Variants in KRT2 observed in about 807,000 individuals in gnomAD.
KRT2 encodes the protein keratin 2.
Under a neutral mutation model 48.5 loss-of-function variants are expected in KRT2, and 37 were observed. That is an observed-to-expected ratio of 0.76 (90% CI 0.59 to 1.00). The LOEUF is 1.00. Ranked by LOEUF, KRT2 falls within the 50% of genes least tolerant of loss-of-function variation. KRT2 has a pLI of 0.00. For synonymous variants in KRT2, 324 were observed against 312.2 expected, an observed-to-expected ratio of 1.04 and a Z score of -0.40; for missense variants, 880 against 815.2, an observed-to-expected ratio of 1.08 and a Z score of -0.97.
chr12:52,646,555 T>A (rs1941164020), intron 7 of KRT2, among the ~76,000 whole-genome samples, 185 bp downstream of exon 7: 1 of 152,256 alleles, frequency 6.6e-6, no homozygotes. Context: ...TGTTGATAAA[T>A]GTGTAACTCT....
At chr12:52,647,658 C>T (rs914105560) in intron 6 of KRT2, 72 bp downstream of exon 6, 5 of 1,576,418 alleles carry the variant, frequency 3.2e-6, no homozygotes, top group African/African-American at 2.7e-5. Context: ...CATGCACACT[C>T]ACACACAACC....
chr12:52,646,909 C>A lies in KRT2; in HGVS notation c.1300G>T (p.Ala434Ser). 6.2e-7 allele frequency: 1 copy of A among 1,614,202 alleles called. No homozygotes were observed. The highest frequency in any genetic ancestry group is 1.1e-5 in the South Asian group (1 of 91,092). ...IADAEQRGEH[A>S]LKDARNKLND... ...AACTTGTTCCTGGCATCCTTGAGGG[C>A]ATGCTCCCCACGCTGCTCGGCATCT... is the stretch of plus-strand genomic sequence containing the variant. Residue 434 changes from alanine (A) to serine (S), a missense_variant, in exon 7 of 9, where the codon GCC becomes TCC. By Grantham distance (99) the Ala-to-Ser change is moderately conservative. Transcript: ENST00000309680.
intron 7 of KRT2, 26 bp downstream of exon 7, chr12:52,646,714 C>G (rs1361133391): frequency 7.4e-6 from 12 of 1,611,418 alleles, no homozygotes; most frequent in Non-Finnish European, 1.0e-5. Context: ...GGCCAGGGTC[C>G]CCTTCTCCCT....
Position 52,646,859 on chromosome 12 carries a change from C to A in KRT2, c.1350G>T (p.Gln450His), listed in dbSNP as rs776812244. 2 of 1,614,162 alleles carry A rather than the reference C, an allele frequency of 1.2e-6. No individual in the cohort carries two copies. The highest frequency in any genetic ancestry group is 4.5e-5 in the East Asian group (2 of 44,882). Residue 450 changes from glutamine to histidine, a missense_variant, in exon 7 of 9, where the codon CAG becomes CAT. By Grantham distance (24) the Gln-to-His change is conservative (BLOSUM62 0). Transcript: ENST00000309680. Reference sequence around the variant, plus strand: ...GCCGCGCCAAGTCCTCCTTGGCCTGCTGCAGGGCCTCCTCCAGGTCATTCA... The same window carrying A: ...GCCGCGCCAAGTCCTCCTTGGCCTGATGCAGGGCCTCCTCCAGGTCATTCA... ...NKLNDLEEALQQAKEDLARLL... is the reference protein window; with the variant it reads ...NKLNDLEEALHQAKEDLARLL...
In KRT2 at chr12:52,651,873, A is replaced by G. The variant is rs756711063; in HGVS notation, c.270T>C (p.Gly90=). 3 of 1,607,678 alleles carry G rather than the reference A, an allele frequency of 1.9e-6. No individual in the cohort carries two copies. The highest frequency in any genetic ancestry group is 1.7e-5 in the Admixed American group (1 of 59,360). Residue 90 remains glycine, a synonymous_variant, in exon 1 of 9, where the codon GGT becomes GGC. Transcript: ENST00000309680. ...CGCCTCCAAAACCACCTCCTCTGCC[A>G]CCAAATCCACCAGCGGCGCCAAAGC... ...GGGFGAAGGF[G]GRGGGFGGGS... is the part of the protein sequence containing the mutation.
chr12:52,648,736 C>T (rs1472784763), intron 4 of KRT2, among the ~76,000 whole-genome samples: 1 of 152,162 alleles, frequency 6.6e-6, no homozygotes, highest in Non-Finnish European at 1.5e-5. Context: ...CAGGGCTTGT[C>T]TCTTCCCCAG....
intron 1 of KRT2, 44 bp downstream of exon 1, chr12:52,651,514 G>A (rs748810635): frequency 7.1e-7 from 1 of 1,404,610 alleles, no homozygotes; most frequent in East Asian, 2.3e-5. Context: ...CTCTGGAAGT[G>A]AAGTGGCCTG....
rs139377296 is a variant in KRT2, at chr12:52,644,803, C to T, written c.*216G>A. The T allele has an allele frequency of 4.8e-4, 292 of 606,446 alleles. No homozygotes were observed. The highest frequency in any genetic ancestry group is 3.5e-3 in the Middle Eastern group (8 of 2,268). The allele number at this position is 606,446 out of a possible 1,614,324, so 37.6% of individuals were successfully genotyped here. A position where few individuals can be genotyped will look rare whatever the true frequency, so the allele number is the denominator to read the frequency against. ...GCACAAACCTAGACAGCACAGATTC[C>T]GCCCCAGAACACAGAGGCGTCACTG... is the stretch of plus-strand genomic sequence containing the variant. On this transcript the variant is annotated 3_prime_UTR_variant, in exon 9 of 9. Transcript: ENST00000309680.
rs749353054 is a variant in KRT2, at chr12:52,651,990, C to CCCG, written c.150_152dup (p.Gly52dup). 1 of 1,607,564 alleles carries CCCG rather than the reference C, an allele frequency of 6.2e-7. No individual in the cohort carries two copies. Among genetic ancestry groups the CCCG allele is most frequent in the African/African-American group, 1.3e-5 (1 of 75,030 alleles). On this transcript the variant is annotated inframe_insertion, in exon 1 of 9. Coordinates refer to ENST00000309680, the MANE Select transcript of KRT2 (RefSeq NM_000423.3). ...TGCCAAAGCCGCCTCCACCGAAGCC[C>CCCG]CCGCCACCACCACCATGGCGGCTCA... is the stretch of plus-strand genomic sequence containing the variant.
In KRT2 at chr12:52,650,477, C is replaced by G; in HGVS notation, c.662G>C (p.Arg221Pro). Residue 221 changes from arginine to proline, a missense_variant, in exon 2 of 9, where the codon CGC becomes CCC. Coordinates refer to ENST00000309680, the MANE Select transcript of KRT2 (RefSeq NM_000423.3). ...GAAGATGGGCTCCAGGTTGATGGGG[C>G]GGGTGCCAACATTCATTTGTTGTAG... The part of the protein sequence containing the change: ...ELLQQMNVGT[R>P]PINLEPIFQG... The G allele has an allele frequency of 6.2e-7, 1 of 1,613,930 alleles. No individual in the cohort carries two copies. The highest frequency in any genetic ancestry group is 1.1e-5 in the South Asian group (1 of 91,064).
chr12:52,650,790 C>T, intron 1 of KRT2: 1 of 569,098 alleles, frequency 1.8e-6, no homozygotes, highest in Non-Finnish European at 3.2e-6. Flanking sequence ...TGCTGCTTCA[C>T]TGCTCACTGG....
intron 1 of KRT2, 53 bp from the exon 2 acceptor site, chr12:52,650,606 G>T: frequency 6.8e-7 from 1 of 1,480,412 alleles, no homozygotes; most frequent in Non-Finnish European, 9.4e-7. Flanking sequence ...TTCACACCAA[G>T]CAAGCCACGC....
intron 6 of KRT2, 126 bp downstream of exon 6, chr12:52,647,604 C>A: frequency 8.9e-7 from 1 of 1,118,550 alleles, no homozygotes; most frequent in Non-Finnish European, 1.3e-6. Context: ...AATTTGGGAT[C>A]GATACATGCT....
rs556825530 is a variant in KRT2, at chr12:52,649,908, G to A, written c.861+6C>T. 1.7e-5 allele frequency: 28 copies of A among 1,611,100 alleles called. No individual in the cohort carries two copies. The highest frequency in any genetic ancestry group is 8.8e-5 in the South Asian group (8 of 91,016). ...CCACCCCCAGCCAAGACATTCTCTC[G>A]CTCACCTTTTTAAGCGTCACAAAAT... On this transcript the variant is annotated splice_donor_region_variant and intron_variant, in intron 3 of 8. Coordinates refer to ENST00000309680, the MANE Select transcript of KRT2 (RefSeq NM_000423.3).
At chr12:52,647,936 TG>T in intron 5 of KRT2, 81 bp from the exon 6 acceptor site, 1 of 1,576,990 alleles carries the variant, frequency 6.3e-7, no homozygotes, top group Non-Finnish European at 8.7e-7. Flanking sequence ...GAAGGAGAGC[TG>T]GTTACTGGTC....
At chr12:52,649,859 TG>T in intron 3 of KRT2, 54 bp downstream of exon 3, 1 of 1,349,226 alleles carries the variant, frequency 7.4e-7, no homozygotes, top group Non-Finnish European at 1.1e-6. Context: ...TTAGACACAA[TG>T]GGGCTGTGAA....
In KRT2 at chr12:52,645,266, A is replaced by G. The variant is rs1390070020; in HGVS notation, c.1673T>C (p.Ile558Thr). 1.2e-6 allele frequency: 2 copies of G among 1,613,952 alleles called. No individual in the cohort carries two copies. Among genetic ancestry groups the G allele is most frequent in the Non-Finnish European group, 1.7e-6 (2 of 1,179,982 alleles). Residue 558 changes from isoleucine to threonine, a missense_variant, in exon 9 of 9, where the codon ATC becomes ACC. By Grantham distance (89) the Ile-to-Thr change is moderately conservative. Transcript: ENST00000309680. The part of the protein sequence containing the change: ...SRGGSGGGGS[I>T]SGGGYGSGGG... ...GCCAGAGCCATATCCTCCTCCAGAG[A>G]TAGAACCTCCTCCTCCACTACCGCC...
At chr12:52,645,497 C>A in intron 8 of KRT2, 38 bp downstream of exon 8, 1 of 1,614,130 alleles carries the variant, frequency 6.2e-7, no homozygotes. Flanking sequence ...CCACCTGACA[C>A]AACACCCCAT....
At position 52,644,891 on chromosome 12, in the gene KRT2, T is replaced by G; in HGVS notation, c.*128A>C. 1.0e-6 allele frequency: 1 copy of G among 968,326 alleles called. No individual in the cohort carries two copies. The highest frequency in any genetic ancestry group is 1.6e-6 in the Non-Finnish European group (1 of 629,974). The allele number at this position is 968,326 out of a possible 1,614,324, so 60.0% of individuals were successfully genotyped here. On this transcript the variant is annotated 3_prime_UTR_variant, in exon 9 of 9. Transcript: ENST00000309680. The stretch of plus-strand genomic sequence containing the variant: ...AACTGTATGTGGACATTCTTTTCCC[T>G]CAAAGTGCCATCAGAGATAAATGAC...
Sources: allele counts gnomAD v4.1 joint callset (sites outside exome capture counted in the v4.1 genomes callset), GRCh38; gene constraint gnomAD v4.1.1; transcripts MANE v1.5; gene names NCBI Gene and HGNC (gene_info 2026-07-23, HGNC 2026-07-21).